MADCAM1: variants seen among roughly 807,000 people sequenced by gnomAD.
The protein encoded by MADCAM1 is mucosal addressin cell adhesion molecule 1.
A neutral mutation model predicts 26.1 loss-of-function variants in MADCAM1; 19 were observed. The ratio of observed to expected loss-of-function variants is 0.73; its 90% CI spans 0.51 to 1.07. MADCAM1 has a LOEUF of 1.07. MADCAM1 is among the 50% of genes least tolerant of loss of function. The pLI is 0.00. For missense variants in MADCAM1, 514 were observed against 542.1 expected, an observed-to-expected ratio of 0.95 and a Z score of 0.51; for synonymous variants, 268 against 260.9, an observed-to-expected ratio of 1.03 and a Z score of -0.26.
rs1257374318 is a variant in MADCAM1, at chr19:498,162, C to T, written c.337+45C>T. Reference sequence around the variant, plus strand: ...CCTGCCTCTCTGACCCTTGGACTCCCGGCTCCTTCCCTATGCCACCTCTTC... The same window carrying T: ...CCTGCCTCTCTGACCCTTGGACTCCTGGCTCCTTCCCTATGCCACCTCTTC... On this transcript the variant is annotated intron_variant, in intron 2 of 4. Coordinates refer to ENST00000215637, the MANE Select transcript of MADCAM1 (RefSeq NM_130760.3). 12 of 1,298,078 alleles carry T rather than the reference C, an allele frequency of 9.2e-6. No homozygotes were observed. The East Asian group carries it at 1.9e-4, about 20-fold the overall frequency. 80.4% of individuals were successfully genotyped at this position (1,298,078 alleles called of 1,614,324 possible). A position where few individuals can be genotyped will look rare whatever the true frequency, so the allele number is the denominator to read the frequency against.
rs757260089 is a variant in MADCAM1 at position 504,913 on chromosome 19, C to T, written c.1097C>T (p.Ser366Leu). The change falls in exon 5 of 5, where the codon TCG becomes TTG. Residue 366 changes from serine to leucine, a missense_variant. Transcript: ENST00000215637. ...PASLRLLPQV[S>L]AWAGLRGTGQ... Reference sequence around the variant, plus strand: ...TCTCTGAGGCTTCTGCCCCAGGTGTCGGCCTGGGCTGGGTTAAGGGGGACC... The same window carrying T: ...TCTCTGAGGCTTCTGCCCCAGGTGTTGGCCTGGGCTGGGTTAAGGGGGACC... 7.4e-6 allele frequency: 12 copies of T among 1,612,256 alleles called. No individual in the cohort carries two copies. The highest frequency in any genetic ancestry group is 1.7e-4 in the Middle Eastern group (1 of 6,060).
At chr19:499,223 C>A (rs1978304749) in intron 3 of MADCAM1, 2 of 478,880 alleles carry the variant, frequency 4.2e-6, no homozygotes, top group Admixed American at 4.6e-5. Context: ...GTGATCCTGC[C>A]CCGGGGCCTT....
intron 3 of MADCAM1, chr19:499,747 T>C (rs1365717697): frequency 2.2e-6 from 1 of 452,594 alleles, no homozygotes; most frequent in Non-Finnish European, 4.4e-6. Context: ...GCATAGCAGG[T>C]GCTCAATAAA....
At chr19:500,078 C>T (rs924590489) in intron 3 of MADCAM1, 15 of 455,950 alleles carry the variant, frequency 3.3e-5, no homozygotes, top group East Asian at 2.8e-4. Flanking sequence ...TCAGTCTCCC[C>T]ATCAGTCCCA....
Position 501,915 on chromosome 19 carries a change from T to G in MADCAM1, c.914T>G (p.Val305Gly). 6.5e-7 allele frequency: 1 copy of G among 1,532,556 alleles called. No individual in the cohort carries two copies. The highest frequency in any genetic ancestry group is 8.8e-7 in the Non-Finnish European group (1 of 1,141,262). The allele number at this position is 1,532,556 out of a possible 1,614,324, so 94.9% of individuals were successfully genotyped here. The change falls in exon 4 of 5, where the codon GTG becomes GGG. Residue 305 changes from valine (V) to glycine (G), a missense_variant. By Grantham distance (109) the Val-to-Gly change is moderately radical. This residue lies in a region of MADCAM1 where 152 missense variants were observed against 136.7 expected (regional missense o/e 1.11). Coordinates refer to ENST00000215637, the MANE Select transcript of MADCAM1 (RefSeq NM_130760.3). ...CAGGCTGGGCCCACGCAGGGAGAAG[T>G]GATCCCAACAGGCTGTGAGTTCTGG... The part of the protein sequence containing the change: ...ISQAGPTQGE[V>G]IPTGSSKPAG...
At position 499,127 on chromosome 19, in the gene MADCAM1, C is replaced by T. The variant is rs1210872746; in HGVS notation, c.667+302C>T. 1.3e-5 allele frequency: 8 copies of T among 612,050 alleles called. No homozygotes were observed. The Admixed American group carries it at 1.7e-4, about 13-fold the overall frequency. The allele number at this position is 612,050 out of a possible 1,614,324, so 37.9% of individuals were successfully genotyped here. On this transcript the variant is annotated intron_variant, in intron 3 of 4. Transcript: ENST00000215637. ...CGACCTACCCTGTCCCCTTCCTGTC[C>T]TCCCTCCACCCTTTCTCCCCCTCCT...
rs548089200 is a variant in MADCAM1 at position 501,432 on chromosome 19, C to T, written c.668-237C>T. ...CCTGAGGAGCGGAGGTTGTGGTGAG[C>T]CAAGATTGCGCCACTGCACTCCAGC... On this transcript the variant is annotated intron_variant, in intron 3 of 4. Coordinates refer to ENST00000215637, the MANE Select transcript of MADCAM1 (RefSeq NM_130760.3). The T allele has an allele frequency of 3.3e-4, 115 of 351,036 alleles. No homozygotes were observed. The South Asian group carries it at 8.4e-3, about 26-fold the overall frequency. 21.7% of individuals were successfully genotyped at this position (351,036 alleles called of 1,614,324 possible). A position where few individuals can be genotyped will look rare whatever the true frequency, so the allele number is the denominator to read the frequency against.
chr19:498,889 G>A (rs1279686237), intron 3 of MADCAM1, 64 bp downstream of exon 3: 4 of 1,466,204 alleles, frequency 2.7e-6, no homozygotes, highest in Middle Eastern at 2.0e-4. Flanking sequence ...CTTCGGGACG[G>A]GGTGGGGGGG....
Position 497,877 on chromosome 19 carries a change from C to T in MADCAM1, c.97C>T (p.Pro33Ser). ...GCCCCTGCAGGTGGAGCCCCCGGAG[C>T]CGGTGGTGGCCGTGGCCTTGGGCGC... Reference protein sequence around the residue: ...VKPLQVEPPEPVVAVALGASR... With the variant: ...VKPLQVEPPESVVAVALGASR... The change falls in exon 2 of 5, where the codon CCG becomes TCG. Residue 33 changes from proline (P) to serine (S), a missense_variant. Coordinates refer to ENST00000215637, the MANE Select transcript of MADCAM1 (RefSeq NM_130760.3). 1 of 1,348,976 alleles carries T rather than the reference C, an allele frequency of 7.4e-7. No homozygotes were observed. Among genetic ancestry groups the T allele is most frequent in the Non-Finnish European group, 9.4e-7 (1 of 1,058,436 alleles). The allele number at this position is 1,348,976 out of a possible 1,614,324, so 83.6% of individuals were successfully genotyped here.
At position 501,682 on chromosome 19, in the gene MADCAM1, G is replaced by GACCTCCCCGGAGCCTCCCAACACC. The variant is rs1313921306; in HGVS notation, c.699_700insAACACCACCTCCCCGGAGCCTCCC (p.Pro233_Asp234insAsnThrThrSerProGluProPro). 65 of 1,249,146 alleles carry GACCTCCCCGGAGCCTCCCAACACC rather than the reference G, an allele frequency of 5.2e-5. No individual in the cohort carries two copies. Among genetic ancestry groups the GACCTCCCCGGAGCCTCCCAACACC allele is most frequent in the Admixed American group, 1.2e-4 (4 of 33,418 alleles). 77.4% of individuals were successfully genotyped at this position (1,249,146 alleles called of 1,614,324 possible). On this transcript the variant is annotated inframe_insertion, in exon 4 of 5. Coordinates refer to ENST00000215637, the MANE Select transcript of MADCAM1 (RefSeq NM_130760.3). ...CTCTGTTTCCAGTCCTGCACAGCCC[G>GACCTCCCCGGAGCCTCCCAACACC]ACCTCCCCGGAGCCTCCCGACACCA...
In MADCAM1 at chr19:498,080, C is replaced by G; in HGVS notation, c.300C>G (p.Gly100=). The G allele has an allele frequency of 6.9e-7, 1 of 1,449,712 alleles. No individual in the cohort carries two copies. The highest frequency in any genetic ancestry group is 9.0e-7 in the Non-Finnish European group (1 of 1,107,034). 89.8% of individuals were successfully genotyped at this position (1,449,712 alleles called of 1,614,324 possible). ...GTRVCVGSCG[G]RTFQHTVQLL... is the part of the protein sequence containing the mutation. ...GCGTGTGCGTGGGCTCCTGCGGGGG[C>G]CGCACCTTCCAGCACACCGTGCAGC... Residue 100 remains glycine (G), a synonymous_variant, in exon 2 of 5, where the codon GGC becomes GGG. Coordinates refer to ENST00000215637, the MANE Select transcript of MADCAM1 (RefSeq NM_130760.3).
chr19:499,000 G>A, intron 3 of MADCAM1, 175 bp downstream of exon 3: 1 of 1,005,978 alleles, frequency 9.9e-7, no homozygotes, highest in Non-Finnish European at 1.5e-6. Flanking sequence ...CCGAGCACCT[G>A]CCCCCCAGCA....
At position 498,603 on chromosome 19, in the gene MADCAM1, T is replaced by C; in HGVS notation, c.445T>C (p.Phe149Leu). 1 of 1,483,490 alleles carries C rather than the reference T, an allele frequency of 6.7e-7. No individual in the cohort carries two copies. Among genetic ancestry groups the C allele is most frequent in the Non-Finnish European group, 8.9e-7 (1 of 1,121,620 alleles). The allele number at this position is 1,483,490 out of a possible 1,614,324, so 91.9% of individuals were successfully genotyped here. A position where few individuals can be genotyped will look rare whatever the true frequency, so the allele number is the denominator to read the frequency against. The change falls in exon 3 of 5, where the codon TTC becomes CTC. Residue 149 changes from phenylalanine to leucine, a missense_variant. Phe to Leu is a conservative substitution (Grantham distance 22). Transcript: ENST00000215637. ...GCCCGTGGACCCCAACGCGCTCTCC[T>C]TCTCCCTGCTCGTCGGGGGCCAGGA... ...VTPVDPNALS[F>L]SLLVGGQELE... is the part of the protein sequence containing the mutation.
In MADCAM1 at chr19:504,799, T is replaced by A. The variant is rs750794834; in HGVS notation, c.983T>A (p.Val328Glu). 5.6e-6 allele frequency: 9 copies of A among 1,613,002 alleles called. No individual in the cohort carries two copies. The highest frequency in any genetic ancestry group is 6.8e-6 in the Non-Finnish European group (8 of 1,179,956). ...LPAALWTSSA[V>E]LGLLLLALPT... ...GCGGCTCTGTGGACCAGCAGTGCGG[T>A]GCTGGGACTGCTGCTCCTGGCCTTG... Residue 328 changes from valine to glutamate, a missense_variant, in exon 5 of 5, where the codon GTG becomes GAG. By Grantham distance (121) the Val-to-Glu change is moderately radical. Around this residue, in one of 3 missense-constraint regions of MADCAM1, gnomAD observed 152 missense variants for 136.7 expected, o/e 1.11. Transcript: ENST00000215637.
At chr19:499,832 A>T (rs757287469) in intron 3 of MADCAM1, 2 of 456,408 alleles carry the variant, frequency 4.4e-6, no homozygotes, top group South Asian at 1.5e-5. Flanking sequence ...CGCTCTGTCC[A>T]ATCCCGAAGC....
intron 3 of MADCAM1, chr19:499,828 G>A (rs1978310438): frequency 2.2e-6 from 1 of 456,296 alleles, no homozygotes; most frequent in Non-Finnish European, 4.4e-6. Flanking sequence ...TTCACGCTCT[G>A]TCCAATCCCG....
chr19:500,140 T>G, intron 3 of MADCAM1: 1 of 456,172 alleles, frequency 2.2e-6, no homozygotes, highest in African/African-American at 2.0e-5. Flanking sequence ...ACCTTCTCTC[T>G]CCACGCCAGC....
rs544467214 is a variant in MADCAM1 at position 497,481 on chromosome 19, AG to A, written c.53-348del. 5.6e-4 allele frequency among the ~76,000 whole-genome samples: 58 copies of A among 103,838 alleles called. No individual in the cohort carries two copies. In the Admixed American group the frequency reaches 6.2e-3, roughly 11 times the overall value. 68.1% of individuals were successfully genotyped at this position (103,838 alleles called of 152,430 possible). ...GAGAGACGAGGGGTGCTCAGAGTTA[AG>A]GGGCTCCGAGATAGGGGGTGATTGG... On this transcript the variant is annotated intron_variant, in intron 1 of 4. Coordinates refer to ENST00000215637, the MANE Select transcript of MADCAM1 (RefSeq NM_130760.3).
At chr19:503,012 T>TA (rs1477705340) in intron 4 of MADCAM1, among the ~76,000 whole-genome samples, 1 of 152,224 alleles carries the variant, frequency 6.6e-6, no homozygotes, top group Non-Finnish European at 1.5e-5. Flanking sequence ...ACTCTCCAGA[T>TA]ATGCCTGGGT....
Sources: allele counts gnomAD v4.1 joint callset (sites outside exome capture counted in the v4.1 genomes callset), GRCh38; gene constraint gnomAD v4.1.1; regional missense constraint gnomAD v4.1.1; transcripts MANE v1.5; gene names NCBI Gene and HGNC (gene_info 2026-07-23, HGNC 2026-07-21).